CLSTN2: variants seen among roughly 807,000 people sequenced by gnomAD.
CLSTN2 encodes the protein calsyntenin-2.
Under a neutral mutation model 101.2 loss-of-function variants are expected in CLSTN2, and 48 were observed. That is an observed-to-expected ratio of 0.47 (90% CI 0.38 to 0.60). The LOEUF (loss-of-function observed/expected upper bound fraction) is 0.60, where lower values mean the gene tolerates loss of function less well. Ranked by LOEUF, CLSTN2 falls within the 20% of genes least tolerant of loss-of-function variation. The pLI, the probability that CLSTN2 is intolerant of heterozygous loss-of-function variation, is 0.00. For synonymous variants in CLSTN2, 481 were observed against 463.6 expected, an observed-to-expected ratio of 1.04 and a Z score of -0.48; for missense variants, 1,160 against 1,238.2, an observed-to-expected ratio of 0.94 and a Z score of 0.95.
chr3:140,397,595 C>T (rs2088196599), intron 2 of CLSTN2, among the ~76,000 whole-genome samples: 1 of 152,160 alleles, frequency 6.6e-6, no homozygotes, highest in Admixed American at 6.5e-5. Flanking sequence ...CCCATTTTCT[C>T]ATAGATAGCA....
At chr3:140,461,323 C>T (rs1249155770) in intron 7 of CLSTN2, 3 of 152,138 alleles carry the variant, frequency 2.0e-5, no homozygotes, top group Non-Finnish European at 4.4e-5. Flanking sequence ...TGTGCAGTGC[C>T]CTGTGAGGTA....
At chr3:139,939,206 T>C (rs913721133) in intron 1 of CLSTN2, among the ~76,000 whole-genome samples, 1 of 152,114 alleles carries the variant, frequency 6.6e-6, no homozygotes, top group Non-Finnish European at 1.5e-5. Context: ...ATTGTAGTAA[T>C]TTCAGTGTAT....
chr3:140,405,865 C>T (rs2088297186), intron 4 of CLSTN2, among the ~76,000 whole-genome samples: 1 of 152,062 alleles, frequency 6.6e-6, no homozygotes, highest in Non-Finnish European at 1.5e-5. Flanking sequence ...ACTTTGTTTC[C>T]AATAAGATTT....
intron 2 of CLSTN2, among the ~76,000 whole-genome samples, chr3:140,211,029 A>G (rs2010848598): frequency 6.6e-6 from 1 of 152,082 alleles, no homozygotes; most frequent in South Asian, 2.1e-4. Flanking sequence ...AAGATTTTGT[A>G]GGCTTGGGGT....
In CLSTN2 at chr3:140,069,604, T is replaced by C. The variant is rs1351072250; in HGVS notation, c.110-106347T>C. ...TATGCTTTGTCTCCACTAATCCCTA[T>C]AGCCATGCTTGGGAGGTGTTCATGT... is the stretch of plus-strand genomic sequence containing the variant. On this transcript the variant is annotated intron_variant, in intron 1 of 16. Transcript: ENST00000458420. Among the ~76,000 whole-genome samples the C allele has an allele frequency of 7.9e-5, 12 of 152,310 alleles. No individual in the cohort carries two copies. In the East Asian group the frequency reaches 2.3e-3, roughly 29 times the overall value.
intron 2 of CLSTN2, among the ~76,000 whole-genome samples, chr3:140,300,100 C>G (rs948981272): frequency 6.6e-6 from 1 of 152,200 alleles, no homozygotes; most frequent in Non-Finnish European, 1.5e-5. Context: ...AATGCAGTCT[C>G]GCTCCCAATC....
chr3:140,425,694 G>A (rs1291557855), intron 5 of CLSTN2, among the ~76,000 whole-genome samples: 1 of 152,212 alleles, frequency 6.6e-6, no homozygotes, highest in East Asian at 1.9e-4. Flanking sequence ...ACAGCGAGGG[G>A]AGGAAGGAAG....
intron 5 of CLSTN2, among the ~76,000 whole-genome samples, chr3:140,447,371 G>A (rs569604040): frequency 4.1e-4 from 62 of 152,310 alleles, no homozygotes; most frequent in African/African-American, 1.4e-3. Flanking sequence ...TGGGATGCCC[G>A]CTGTGGGAGG....
chr3:140,087,053 C>T (rs2008693219), intron 1 of CLSTN2, among the ~76,000 whole-genome samples: 1 of 152,004 alleles, frequency 6.6e-6, no homozygotes, highest in African/African-American at 2.4e-5. Flanking sequence ...TCATTGCTTA[C>T]CTAAAAGGTG....
intron 2 of CLSTN2, among the ~76,000 whole-genome samples, chr3:140,194,377 C>A (rs766335136): frequency 6.6e-6 from 1 of 152,066 alleles, no homozygotes; most frequent in Non-Finnish European, 1.5e-5. Flanking sequence ...GACCTAAGCA[C>A]CTCTCAAAGA....
chr3:140,015,218 T>A (rs2007177256), intron 1 of CLSTN2, among the ~76,000 whole-genome samples: 1 of 152,166 alleles, frequency 6.6e-6, no homozygotes, highest in South Asian at 2.1e-4. Context: ...TAAGTCAATA[T>A]CTTTATTATC....
intron 1 of CLSTN2, among the ~76,000 whole-genome samples, chr3:140,150,253 C>T (rs16849976): frequency 0.096 from 14,673 of 152,164 alleles, 2,342 homozygotes; most frequent in African/African-American, 0.33. Flanking sequence ...AAGGAATGAG[C>T]GTTGCACAGT....
chr3:140,114,244 C>G (rs1239920108), intron 1 of CLSTN2, among the ~76,000 whole-genome samples: 1 of 152,164 alleles, frequency 6.6e-6, no homozygotes, highest in Admixed American at 6.5e-5. Context: ...ACTCATCATT[C>G]CCAGAATTTG....
intron 2 of CLSTN2, among the ~76,000 whole-genome samples, chr3:140,196,759 C>A (rs942523405): frequency 6.6e-6 from 1 of 152,174 alleles, no homozygotes; most frequent in East Asian, 1.9e-4. Flanking sequence ...ATGGGGAAGC[C>A]AAAGTTTGAA....
intron 2 of CLSTN2, among the ~76,000 whole-genome samples, chr3:140,267,183 A>G (rs1213743862): frequency 6.6e-6 from 1 of 152,184 alleles, no homozygotes; most frequent in African/African-American, 2.4e-5. Flanking sequence ...TGTTTGTTAT[A>G]CTGTGTTGGT....
intron 1 of CLSTN2, among the ~76,000 whole-genome samples, chr3:140,139,245 T>C (rs995668924): frequency 2.0e-5 from 3 of 152,172 alleles, no homozygotes; most frequent in African/African-American, 7.2e-5. Flanking sequence ...CCTCCTAAGC[T>C]ACTAAGCATC....
At chr3:140,525,882 T>TA (rs1348126397) in intron 8 of CLSTN2, among the ~76,000 whole-genome samples, 1 of 152,054 alleles carries the variant, frequency 6.6e-6, no homozygotes, top group Non-Finnish European at 1.5e-5. Context: ...CCCTTCATGA[T>TA]AAAAACCTTC....
chr3:140,079,811 G>A (rs1325646189), intron 1 of CLSTN2, among the ~76,000 whole-genome samples: 1 of 151,638 alleles, frequency 6.6e-6, no homozygotes, highest in African/African-American at 2.4e-5. Context: ...AGAAATAAGA[G>A]TTTACATTTG....
intron 2 of CLSTN2, among the ~76,000 whole-genome samples, chr3:140,184,314 AAG>A (rs1403626187): frequency 2.6e-5 from 4 of 152,212 alleles, no homozygotes; most frequent in African/African-American, 9.6e-5. Context: ...CTTATAAAGA[AAG>A]AGGTTTAGTT....
Sources: gnomAD v4.1 joint callset for allele counts (sites outside exome capture counted in the v4.1 genomes callset) on GRCh38, gnomAD v4.1.1 for gene constraint, MANE v1.5 for transcripts, NCBI Gene and HGNC (gene_info 2026-07-23, HGNC 2026-07-21) for gene names.